The following URI1 variants were observed in gnomAD, a reference collection of about 807,000 sequenced individuals.
URI1 encodes the protein URI1 prefoldin like chaperone.
Under a neutral mutation model 60.2 loss-of-function variants are expected in URI1, and 39 were observed. The observed-to-expected ratio is 0.65, with a 90% CI of 0.50 to 0.85. URI1 has a LOEUF of 0.85. URI1 is among the 40% of genes least tolerant of loss of function. The pLI is 0.00. For synonymous variants in URI1, 251 were observed against 236.8 expected (o/e 1.06, Z -0.55); for missense variants, 691 against 665.9 (o/e 1.04, Z -0.42).
At chr19:29,926,709 G>T (rs2054871357) in intron 1 of URI1, among the ~76,000 whole-genome samples, 1 of 152,224 alleles carries the variant, frequency 6.6e-6, no homozygotes, top group African/African-American at 2.4e-5. Context: ...AAAAGAAAAT[G>T]TGTGAAACGA....
chr19:29,985,996 T>C (rs1225221557), intron 3 of URI1, among the ~76,000 whole-genome samples: 3 of 152,226 alleles, frequency 2.0e-5, no homozygotes, highest in Non-Finnish European at 4.4e-5. Context: ...ATGAAAAGTA[T>C]AAACATGCCG....
At position 29,942,605 on chromosome 19, in the gene URI1, C is replaced by T. The variant is rs750072934; in HGVS notation, c.58C>T (p.Pro20Ser). The T allele has an allele frequency of 1.4e-5, 20 of 1,474,776 alleles. No homozygotes were observed. The highest frequency in any genetic ancestry group is 6.6e-5 in the South Asian group (5 of 76,304). 91.4% of individuals were successfully genotyped at this position (1,474,776 alleles called of 1,614,324 possible). ...CCCCTCGCCCCCTTCGGCCCCGGCC[C>T]CTGCCCTGGTTCCGTTGCGCGCCCC... ...PDPSPPSAPA[P>S]ALVPLRAPDV... Residue 20 changes from proline (P) to serine (S), a missense_variant, in exon 1 of 11, where the codon CCT (proline) becomes TCT (serine). Transcript: ENST00000392271.
chr19:30,010,729 A>G (rs1354778870), intron 8 of URI1, among the ~76,000 whole-genome samples: 1 of 152,136 alleles, frequency 6.6e-6, no homozygotes, highest in Non-Finnish European at 1.5e-5. Context: ...TTCTTACTGA[A>G]TTTTTGTTTA....
intron 1 of URI1, among the ~76,000 whole-genome samples, chr19:29,925,085 C>A (rs1345663963): frequency 1.3e-5 from 2 of 152,226 alleles, no homozygotes; most frequent in African/African-American, 2.4e-5. Context: ...ATCCCCCTGC[C>A]TTGGCCTCCC....
At chr19:29,980,884 G>A (rs188047) in intron 2 of URI1, among the ~76,000 whole-genome samples, 1,948 of 142,614 alleles carry the variant, frequency 0.014, 58 homozygotes, top group African/African-American at 0.049. Context: ...ATCACGCCAC[G>A]GCACTCCAGG....
chr19:29,999,370 C>T (rs2055850473), intron 4 of URI1, among the ~76,000 whole-genome samples: 1 of 152,132 alleles, frequency 6.6e-6, no homozygotes, highest in East Asian at 1.9e-4. Context: ...TGAGGAATGC[C>T]CTCAACTCTT....
chr19:29,923,781 GC>G, intron 1 of URI1: 3 of 1,532,568 alleles, frequency 2.0e-6, no homozygotes, highest in Non-Finnish European at 2.6e-6. Flanking sequence ...CAGTGTTATA[GC>G]TTCTCTGCTG....
intron 4 of URI1, among the ~76,000 whole-genome samples, chr19:30,001,468 T>G (rs1360036541): frequency 6.6e-6 from 1 of 151,796 alleles, no homozygotes; most frequent in Non-Finnish European, 1.5e-5. Flanking sequence ...ACTAAGACAT[T>G]TTCTATTCTC....
chr19:29,972,629 T>G (rs1246996706), intron 2 of URI1, among the ~76,000 whole-genome samples: 1 of 152,144 alleles, frequency 6.6e-6, no homozygotes, highest in East Asian at 1.9e-4. Context: ...AGGGCACGTT[T>G]TCATCCTTTT....
chr19:29,929,869 T>A lies in URI1; in HGVS notation c.63+6115T>A, dbSNP rs144806546. Among the ~76,000 whole-genome samples, 989 of 151,842 alleles carry A rather than the reference T, an allele frequency of 6.5e-3. 17 individuals carry two copies. Among genetic ancestry groups the A allele is most frequent in the African/African-American group, 0.022 (924 of 41,422 alleles). On this transcript the variant is annotated intron_variant, in intron 1 of 10. Transcript: ENST00000360605. ...ATATGCTTGATATTAAACCCTTATA[T>A]ATAAGATACAAGATTTGCAAGTGTT...
At chr19:29,984,202 G>GA (rs1568430606) in intron 2 of URI1, among the ~76,000 whole-genome samples, 1 of 152,148 alleles carries the variant, frequency 6.6e-6, no homozygotes, top group African/African-American at 2.4e-5. Flanking sequence ...GCGGTGGGGG[G>GA]ATCGCTTGAA....
upstream of URI1, among the ~76,000 whole-genome samples, chr19:29,938,993 T>TTC (rs397807167): frequency 6.7e-6 from 1 of 148,412 alleles, no homozygotes; most frequent in African/African-American, 2.5e-5. Context: ...TTTTTTTTTT[T>TTC]CTGAGAGGAG....
At chr19:29,933,886 T>G (rs572187839) in intron 1 of URI1, among the ~76,000 whole-genome samples, 1 of 152,106 alleles carries the variant, frequency 6.6e-6, no homozygotes, top group South Asian at 2.1e-4. Context: ...GTTTTCTGTT[T>G]TGTTTTTCTC....
At chr19:29,929,942 T>C (rs958871054) in intron 1 of URI1, among the ~76,000 whole-genome samples, 9 of 119,180 alleles carry the variant, frequency 7.6e-5, no homozygotes, top group Admixed American at 2.6e-4. Flanking sequence ...CAGTGTCTCT[T>C]TTTTTTTTTT....
At chr19:29,932,201 A>T (rs334990) in intron 1 of URI1, among the ~76,000 whole-genome samples, 143,566 of 152,150 alleles carry the variant, frequency 0.94, 67,793 homozygotes, top group East Asian at 1. Flanking sequence ...ATATGGTCCT[A>T]ATAACGTTGA....
intron 1 of URI1, 21 bp downstream of exon 1, chr19:29,942,685 G>T: frequency 1.5e-6 from 2 of 1,359,102 alleles, no homozygotes; most frequent in East Asian, 2.9e-5. Flanking sequence ...GCCCCGCGCC[G>T]CTTCCGCCTC....
intron 1 of URI1, among the ~76,000 whole-genome samples, chr19:29,931,756 T>C (rs1348999344): frequency 6.6e-6 from 1 of 152,170 alleles, no homozygotes; most frequent in East Asian, 1.9e-4. Context: ...AATATTTTAT[T>C]CTTGATGTTA....
intron 4 of URI1, among the ~76,000 whole-genome samples, chr19:29,992,250 T>C (rs918038387): frequency 4.6e-5 from 7 of 152,032 alleles, no homozygotes; most frequent in Admixed American, 2.0e-4. Flanking sequence ...TTGTATTTTT[T>C]ATAGAGATGG....
rs1266690665 is a variant in URI1 at position 30,007,778 on chromosome 19, C to G, written c.686+140C>G. 3 of 705,256 alleles carry G rather than the reference C, an allele frequency of 4.3e-6. No homozygotes were observed. The Admixed American group carries it at 1.1e-4, about 26-fold the overall frequency. 43.7% of individuals were successfully genotyped at this position (705,256 alleles called of 1,614,324 possible). On this transcript the variant is annotated intron_variant, in intron 7 of 10. Transcript: ENST00000392271. The stretch of plus-strand genomic sequence containing the variant: ...CATAATATATTATCAATAATCCTTT[C>G]ACCTCAAGATGAACATTAATTCTCT...
Sources: gnomAD v4.1 joint callset for allele counts (sites outside exome capture counted in the v4.1 genomes callset) on GRCh38, gnomAD v4.1.1 for gene constraint, MANE v1.5 for transcripts, NCBI Gene and HGNC (gene_info 2026-07-23, HGNC 2026-07-21) for gene names.